SLC15A1: variants seen among roughly 807,000 people sequenced by gnomAD.
SLC15A1 encodes the protein Caco-2 oligopeptide transporter.
A neutral mutation model predicts 92.9 loss-of-function variants in SLC15A1; 83 were observed. The ratio of observed to expected loss-of-function variants is 0.89; its 90% CI spans 0.75 to 1.07. SLC15A1 has a LOEUF of 1.07. Among genes scored for constraint, SLC15A1 ranks in the 50% least tolerant of loss-of-function variants. The pLI is 0.00. For missense variants in SLC15A1, 857 were observed against 880.1 expected (o/e 0.97, Z 0.33); for synonymous variants, 322 against 318.2 (o/e 1.01, Z -0.13).
intron 11 of SLC15A1, among the ~76,000 whole-genome samples, chr13:98,710,299 ATAT>A (rs1381976106): frequency 6.6e-6 from 1 of 152,144 alleles, no homozygotes; most frequent in African/African-American, 2.4e-5. Flanking sequence ...AGATTCACAA[ATAT>A]TATTGTTAAC....
At chr13:98,742,951 T>G (rs2088461125) in intron 1 of SLC15A1, among the ~76,000 whole-genome samples, 1 of 152,114 alleles carries the variant, frequency 6.6e-6, no homozygotes, top group African/African-American at 2.4e-5. Context: ...AGTTTTAAAA[T>G]TTTTGTAGAG....
chr13:98,708,720 A>T lies in SLC15A1; in HGVS notation c.1115T>A (p.Phe372Tyr). 1 of 1,613,454 alleles carries T rather than the reference A, an allele frequency of 6.2e-7. No homozygotes were observed. The highest frequency in any genetic ancestry group is 1.1e-5 in the South Asian group (1 of 90,962). ...AVGMVLASMA[F>Y]VVAAIVQVEI... is the part of the protein sequence containing the mutation. ...CACCTGCACGATGGCAGCCACCACAAAGGCCATGGAGGCCAGGACCATGCC... is the reference window on the plus strand; with the variant it reads ...CACCTGCACGATGGCAGCCACCACATAGGCCATGGAGGCCAGGACCATGCC... The change falls in exon 15 of 23, where the codon TTT (phenylalanine) becomes TAT (tyrosine). Residue 372 changes from phenylalanine (F) to tyrosine (Y), a missense_variant. By Grantham distance (22) the Phe-to-Tyr change is conservative (BLOSUM62 3). Coordinates refer to ENST00000376503, the MANE Select transcript of SLC15A1 (RefSeq NM_005073.4).
At chr13:98,739,528 C>T (rs1021287636) in intron 1 of SLC15A1, among the ~76,000 whole-genome samples, 1 of 152,256 alleles carries the variant, frequency 6.6e-6, no homozygotes. Context: ...AGTGAGTTCT[C>T]ATGAGATCTG....
At chr13:98,728,314 G>A (rs1287717637) in intron 1 of SLC15A1, among the ~76,000 whole-genome samples, 7 of 152,130 alleles carry the variant, frequency 4.6e-5, no homozygotes, top group Non-Finnish European at 1.0e-4. Flanking sequence ...TGCTCAGGAT[G>A]ACTTTGGCTT....
At chr13:98,692,512 C>G (rs553197324) in intron 18 of SLC15A1, among the ~76,000 whole-genome samples, 1 of 152,112 alleles carries the variant, frequency 6.6e-6, no homozygotes, top group Non-Finnish European at 1.5e-5. Flanking sequence ...CTGGGACATG[C>G]CCTACTTTGC....
At chr13:98,703,718 A>G (rs1364008706) in intron 17 of SLC15A1, among the ~76,000 whole-genome samples, 1 of 151,726 alleles carries the variant, frequency 6.6e-6, no homozygotes, top group East Asian at 1.9e-4. Flanking sequence ...CACCACACTC[A>G]GCTAATTTTT....
At chr13:98,704,158 CA>C (rs1566446542) in intron 17 of SLC15A1, 130 bp downstream of exon 17, 1 of 805,274 alleles carries the variant, frequency 1.2e-6, no homozygotes, top group Non-Finnish European at 1.9e-6. Flanking sequence ...TCTTGTGTTC[CA>C]GAAGAAGGAA....
rs2087907692 is a variant in SLC15A1 at position 98,683,889 on chromosome 13, T to C, written c.*835A>G. ...GAGCTGTCTTTCGAGTTATCCATAA[T>C]TTAAACACAGGTAGGGACTAGAAAA... On this transcript the variant is annotated 3_prime_UTR_variant, in exon 23 of 23. Transcript: ENST00000376503. 1 of 152,192 alleles carries C rather than the reference T, an allele frequency of 6.6e-6. No individual in the cohort carries two copies. The highest frequency in any genetic ancestry group is 1.5e-5 in the Non-Finnish European group (1 of 68,034). 9.4% of individuals were successfully genotyped at this position (152,192 alleles called of 1,614,324 possible). A position where few individuals can be genotyped will look rare whatever the true frequency, so the allele number is the denominator to read the frequency against.
intron 9 of SLC15A1, among the ~76,000 whole-genome samples, chr13:98,714,919 C>T (rs1350685759): frequency 6.6e-6 from 1 of 151,946 alleles, no homozygotes; most frequent in Non-Finnish European, 1.5e-5. Flanking sequence ...CATTTATTTC[C>T]CACCCATAAA....
chr13:98,711,301 G>A lies in SLC15A1; in HGVS notation c.900+553C>T, dbSNP rs147699863. Among the ~76,000 whole-genome samples the A allele has an allele frequency of 2.3e-3, 343 of 152,194 alleles. 3 individuals are homozygous for A. The highest frequency in any genetic ancestry group is 0.015 in the South Asian group (71 of 4,828). On this transcript the variant is annotated intron_variant, in intron 11 of 22. Transcript: ENST00000376503. ...CCCCATGCACTGAGTTGTCTAACAC[G>A]ATTGTGAAAAATTCCTGGGTATGTG...
At chr13:98,722,286 T>A (rs576470764) in intron 5 of SLC15A1, among the ~76,000 whole-genome samples, 2 of 152,234 alleles carry the variant, frequency 1.3e-5, no homozygotes, top group Non-Finnish European at 2.9e-5. Flanking sequence ...AGTCATTAAG[T>A]AACATTGGAA....
At chr13:98,724,655 G>A (rs1015695555) in intron 4 of SLC15A1, among the ~76,000 whole-genome samples, 5 of 152,128 alleles carry the variant, frequency 3.3e-5, no homozygotes, top group Non-Finnish European at 5.9e-5. Flanking sequence ...GTATTTTTTA[G>A]TAGAGACGGG....
chr13:98,745,389 T>C (rs529389068), intron 1 of SLC15A1, among the ~76,000 whole-genome samples: 1 of 152,296 alleles, frequency 6.6e-6, no homozygotes, highest in African/African-American at 2.4e-5. Flanking sequence ...GGGTGTCGAA[T>C]AGTGTCCTGC....
In SLC15A1 at chr13:98,684,983, T is replaced by C. The variant is rs2087919319; in HGVS notation, c.1936-68A>G. The C allele has an allele frequency of 2.9e-6, 4 of 1,363,032 alleles. No homozygotes were observed. The East Asian group carries it at 9.9e-5, about 34-fold the overall frequency. 84.4% of individuals were successfully genotyped at this position (1,363,032 alleles called of 1,614,324 possible). A position where few individuals can be genotyped will look rare whatever the true frequency, so the allele number is the denominator to read the frequency against. ...AAAACAGGTCATACTGATGAATATA[T>C]GGTGCGTACATGTTCTTGCTACATG... On this transcript the variant is annotated intron_variant, in intron 22 of 22. Transcript: ENST00000376503.
At chr13:98,735,893 TATC>T (rs1276852692) in intron 1 of SLC15A1, among the ~76,000 whole-genome samples, 1 of 152,208 alleles carries the variant, frequency 6.6e-6, no homozygotes, top group African/African-American at 2.4e-5. Context: ...GAAGAATTAA[TATC>T]ATGAAAATGG....
intron 18 of SLC15A1, among the ~76,000 whole-genome samples, chr13:98,695,147 G>C (rs1405126977): frequency 6.6e-6 from 1 of 151,716 alleles, no homozygotes; most frequent in Non-Finnish European, 1.5e-5. Flanking sequence ...TTCCTATTTA[G>C]TGTAAAAATG....
intron 1 of SLC15A1, among the ~76,000 whole-genome samples, chr13:98,733,485 A>G (rs2088366000): frequency 6.6e-6 from 1 of 152,250 alleles, no homozygotes; most frequent in Non-Finnish European, 1.5e-5. Context: ...TGGATTTGGC[A>G]GAATCTAAGC....
rs879896758 is a variant in SLC15A1 at position 98,701,113 on chromosome 13, CAGCTTGGGGAAAAATGACA to C, written c.1466+1348_1466+1366del. The stretch of plus-strand genomic sequence containing the variant: ...TAGGAATGGCAATAAACCTACAGGT[CAGCTTGGGGAAAAATGACA>C]TCTTTACTATATTAAATCTTCTGAT... On this transcript the variant is annotated intron_variant, in intron 18 of 22. Coordinates refer to ENST00000376503, the MANE Select transcript of SLC15A1 (RefSeq NM_005073.4). Among the ~76,000 whole-genome samples the C allele has an allele frequency of 1.7e-3, 259 of 152,240 alleles. 1 individual carries two copies. Among genetic ancestry groups the C allele is most frequent in the South Asian group, 0.015 (74 of 4,822 alleles).
At position 98,708,671 on chromosome 13, in the gene SLC15A1, C is replaced by A. The variant is rs1566448241; in HGVS notation, c.1149+15G>T. On this transcript the variant is annotated intron_variant, in intron 15 of 22. Transcript: ENST00000376503. Reference sequence around the variant, plus strand: ...CCACCAGGAAAGGACATGGGAGAACCAGGGGACAACTCACATCGATTTCCA... The same window carrying A: ...CCACCAGGAAAGGACATGGGAGAACAAGGGGACAACTCACATCGATTTCCA... The A allele has an allele frequency of 6.2e-7, 1 of 1,609,036 alleles. No homozygotes were observed. Among genetic ancestry groups the A allele is most frequent in the Non-Finnish European group, 8.5e-7 (1 of 1,177,082 alleles).
Sources: gnomAD v4.1 joint callset for allele counts (sites outside exome capture counted in the v4.1 genomes callset) on GRCh38, gnomAD v4.1.1 for gene constraint, MANE v1.5 for transcripts, NCBI Gene and HGNC (gene_info 2026-07-23, HGNC 2026-07-21) for gene names.